The following KDM4C variants were observed in gnomAD, a reference collection of about 807,000 sequenced individuals.
The protein encoded by KDM4C is lysine-specific demethylase 4C.
Under a neutral mutation model 129.3 loss-of-function variants are expected in KDM4C, and 81 were observed. The ratio of observed to expected loss-of-function variants is 0.63; its 90% CI spans 0.52 to 0.75. The LOEUF (loss-of-function observed/expected upper bound fraction) is 0.75. Ranked by LOEUF, KDM4C falls within the 30% of genes least tolerant of loss-of-function variation. The pLI, the probability that KDM4C is intolerant of heterozygous loss-of-function variation, is 0.00. For missense variants in KDM4C, 1,457 were observed against 1,304.0 expected, an observed-to-expected ratio of 1.12 and a Z score of -1.81; for synonymous variants, 573 against 456.1, an observed-to-expected ratio of 1.26 and a Z score of -3.26.
At chr9:6,936,970 C>G (rs1262629084) in intron 8 of KDM4C, among the ~76,000 whole-genome samples, 1 of 152,174 alleles carries the variant, frequency 6.6e-6, no homozygotes, top group African/African-American at 2.4e-5. Flanking sequence ...GTTTTAGTTA[C>G]AGATTCTAGA....
chr9:6,788,121 G>A (rs1410832540), intron 1 of KDM4C, among the ~76,000 whole-genome samples: 1 of 151,898 alleles, frequency 6.6e-6, no homozygotes, highest in African/African-American at 2.4e-5. Context: ...TTGTTCCTCC[G>A]AAGTACCTTC....
chr9:7,056,644 G>A (rs1002172555), intron 17 of KDM4C, among the ~76,000 whole-genome samples: 1 of 152,202 alleles, frequency 6.6e-6, no homozygotes, highest in African/African-American at 2.4e-5. Flanking sequence ...GAAATTGACT[G>A]GAGCCTTTAA....
intron 12 of KDM4C, 23 bp from the exon 13 acceptor site, chr9:7,011,675 A>G (rs1469180432): frequency 1.9e-6 from 3 of 1,608,330 alleles, no homozygotes; most frequent in Non-Finnish European, 8.5e-7. Context: ...TGCTCATGGT[A>G]TTTTCCTGCC....
intron 21 of KDM4C, among the ~76,000 whole-genome samples, chr9:7,171,775 G>C (rs1844985057): frequency 6.6e-6 from 1 of 151,750 alleles, no homozygotes; most frequent in Non-Finnish European, 1.5e-5. Context: ...GATTTTCTAA[G>C]GTCTATTTCA....
rs190167676 is a variant in KDM4C at position 7,010,038 on chromosome 9, G to C, written c.1787-1660G>C. Among the ~76,000 whole-genome samples the C allele has an allele frequency of 1.6e-3, 239 of 152,208 alleles. 2 individuals are homozygous for C. The East Asian group carries it at 0.039, about 25-fold the overall frequency. The stretch of plus-strand genomic sequence containing the variant: ...AATCTATTATAAAAAGTTAAAATTT[G>C]TCACAACATATGCACACAAACATGG... On this transcript the variant is annotated intron_variant, in intron 12 of 21. Transcript: ENST00000381309.
At chr9:6,794,396 G>A (rs953157314) in intron 2 of KDM4C, among the ~76,000 whole-genome samples, 5 of 152,246 alleles carry the variant, frequency 3.3e-5, no homozygotes, top group Non-Finnish European at 7.3e-5. Flanking sequence ...GAATAGGAAG[G>A]TGGTCAGTGG....
chr9:6,876,992 C>G (rs1843666911), intron 5 of KDM4C, among the ~76,000 whole-genome samples: 1 of 152,042 alleles, frequency 6.6e-6, no homozygotes, highest in African/African-American at 2.4e-5. Context: ...TAGAAATCAC[C>G]CCATTCTTTC....
chr9:6,793,067 C>A lies in KDM4C; in HGVS notation c.79C>A (p.Arg27=). ...CTTCAGACCCTCCATGGAGGAGTTC[C>A]GGGAGTTCAACAAATACCTTGCATA... The part of the protein sequence containing the change: ...MTFRPSMEEF[R]EFNKYLAYME... The change falls in exon 2 of 22, where the codon CGG becomes AGG. Residue 27 remains arginine (R), a synonymous_variant. Transcript: ENST00000381309. The A allele has an allele frequency of 6.2e-7, 1 of 1,614,060 alleles. No homozygotes were observed. The highest frequency in any genetic ancestry group is 8.5e-7 in the Non-Finnish European group (1 of 1,180,002).
intron 5 of KDM4C, among the ~76,000 whole-genome samples, chr9:6,850,076 A>G (rs905266159): frequency 2.0e-5 from 3 of 152,236 alleles, no homozygotes; most frequent in Non-Finnish European, 2.9e-5. Flanking sequence ...TTAGTTCAGT[A>G]CAGGTTTGTA....
intron 20 of KDM4C, among the ~76,000 whole-genome samples, chr9:7,168,973 A>T: frequency 6.9e-6 from 1 of 144,844 alleles, no homozygotes; most frequent in Non-Finnish European, 1.5e-5. Context: ...TGAGCCTGGG[A>T]GGTTGAGGTT....
chr9:6,738,335 G>C lies in KDM4C; in HGVS notation c.49+17338G>C, dbSNP rs553389221. Among the ~76,000 whole-genome samples the C allele has an allele frequency of 3.9e-5, 6 of 152,014 alleles. No homozygotes were observed. In the East Asian group the frequency reaches 9.7e-4, roughly 24 times the overall value. The stretch of plus-strand genomic sequence containing the variant: ...CTACTAAAAATACAAAATTAGAAGG[G>C]CATGGTGGCACATGCTGTAATCCCA... On this transcript the variant is annotated intron_variant, in intron 1 of 17. Transcript: ENST00000536108.
At chr9:6,880,719 C>G (rs896906466) in intron 6 of KDM4C, among the ~76,000 whole-genome samples, 32 of 152,138 alleles carry the variant, frequency 2.1e-4, no homozygotes, top group Non-Finnish European at 4.0e-4. Flanking sequence ...TTTTCTGGAC[C>G]TCTATTGATG....
chr9:7,008,452 C>G (rs528533337), intron 12 of KDM4C, among the ~76,000 whole-genome samples: 1 of 152,288 alleles, frequency 6.6e-6, no homozygotes, highest in East Asian at 1.9e-4. Context: ...CACTCCAGAG[C>G]CAAGACAACC....
At chr9:6,835,314 C>T (rs1835683722) in intron 4 of KDM4C, 3 of 917,216 alleles carry the variant, frequency 3.3e-6, no homozygotes, top group Non-Finnish European at 3.7e-6. Context: ...GTGATGTGGA[C>T]ATCCACAAAG....
At chr9:7,158,702 GAGAC>G in intron 19 of KDM4C, among the ~76,000 whole-genome samples, 1 of 152,190 alleles carries the variant, frequency 6.6e-6, no homozygotes, top group Non-Finnish European at 1.5e-5. Flanking sequence ...TGTGGTCTGA[GAGAC>G]AGTTTACAGT....
Position 6,867,841 on chromosome 9 carries a change from C to A in KDM4C, c.630-12171C>A, listed in dbSNP as rs1224532401. 4.6e-5 allele frequency among the ~76,000 whole-genome samples: 7 copies of A among 152,136 alleles called. No homozygotes were observed. In the South Asian group the frequency reaches 1.4e-3, roughly 32 times the overall value. On this transcript the variant is annotated intron_variant, in intron 5 of 21. Coordinates refer to ENST00000381309, the MANE Select transcript of KDM4C (RefSeq NM_015061.6). The stretch of plus-strand genomic sequence containing the variant: ...CTTTTAGCCCCTCCCCTGCACTTCC[C>A]CACTGTCTTTTATTGCAGTAGCAGA...
intron 3 of KDM4C, among the ~76,000 whole-genome samples, chr9:6,812,497 G>C (rs62568860): frequency 6.6e-6 from 1 of 151,976 alleles, no homozygotes; most frequent in African/African-American, 2.4e-5. Flanking sequence ...GGGATGAAAC[G>C]GTCCTACCTC....
At chr9:6,970,757 A>G (rs1033906480) in intron 8 of KDM4C, among the ~76,000 whole-genome samples, 1 of 152,136 alleles carries the variant, frequency 6.6e-6, no homozygotes, top group African/African-American at 2.4e-5. Context: ...TTGGTATGTG[A>G]TAATTGTTTA....
chr9:6,932,756 G>T (rs1823987316), intron 8 of KDM4C, among the ~76,000 whole-genome samples: 1 of 152,140 alleles, frequency 6.6e-6, no homozygotes, highest in African/African-American at 2.4e-5. Context: ...CACGTTTAGG[G>T]GCATTTTTTT....
Sources: allele counts gnomAD v4.1 joint callset (sites outside exome capture counted in the v4.1 genomes callset), GRCh38; gene constraint gnomAD v4.1.1; transcripts MANE v1.5; gene names NCBI Gene and HGNC (gene_info 2026-07-23, HGNC 2026-07-21).